ODAD2: variants seen among roughly 807,000 people sequenced by gnomAD.
The protein encoded by ODAD2 is outer dynein arm docking complex subunit 2, also known as outer dynein arm-docking complex subunit 2.
A neutral mutation model predicts 106.8 loss-of-function variants in ODAD2; 89 were observed. The observed-to-expected ratio is 0.83, with a 90% CI of 0.70 to 0.99. ODAD2 has a LOEUF of 0.99. Among genes scored for constraint, ODAD2 ranks in the 50% least tolerant of loss-of-function variants. The pLI, the probability that ODAD2 is intolerant of heterozygous loss-of-function variation, is 0.00. For synonymous variants in ODAD2, 404 were observed against 436.2 expected, an observed-to-expected ratio of 0.93 and a Z score of 0.92; for missense variants, 1,168 against 1,238.5, an observed-to-expected ratio of 0.94 and a Z score of 0.85.
chr10:27,958,986 G>A (rs1269801235), intron 10 of ODAD2: 4 of 1,303,456 alleles, frequency 3.1e-6, no homozygotes, highest in Non-Finnish European at 4.0e-6. Context: ...ATGAAATAAA[G>A]ATAATGGACC....
chr10:27,874,960 G>C (rs1841210227), intron 17 of ODAD2, among the ~76,000 whole-genome samples: 1 of 152,128 alleles, frequency 6.6e-6, no homozygotes, highest in Non-Finnish European at 1.5e-5. Context: ...TTTCCAACTT[G>C]GTTCCATTCT....
intron 19 of ODAD2, among the ~76,000 whole-genome samples, chr10:27,843,731 C>G (rs1838487370): frequency 6.6e-6 from 1 of 151,984 alleles, no homozygotes; most frequent in Non-Finnish European, 1.5e-5. Flanking sequence ...CACACCATTG[C>G]ACTCCTGCCT....
chr10:27,935,464 C>T (rs1845905862), intron 15 of ODAD2, among the ~76,000 whole-genome samples: 1 of 152,170 alleles, frequency 6.6e-6, no homozygotes, highest in African/African-American at 2.4e-5. Context: ...CCATGCAGTA[C>T]AGCCTCTAAG....
chr10:27,978,532 C>G (rs1441865123), intron 7 of ODAD2, among the ~76,000 whole-genome samples: 2 of 152,074 alleles, frequency 1.3e-5, no homozygotes, highest in African/African-American at 4.8e-5. Flanking sequence ...GTGGCTCACA[C>G]CTGTAATCCC....
chr10:27,966,121 C>T (rs1296549077), intron 9 of ODAD2, among the ~76,000 whole-genome samples: 1 of 128,776 alleles, frequency 7.8e-6, no homozygotes, highest in Non-Finnish European at 1.8e-5. Flanking sequence ...GGTTTTTTGG[C>T]ACAGAGAGCC....
At chr10:27,978,510 G>C (rs1588650282) in intron 7 of ODAD2, among the ~76,000 whole-genome samples, 1 of 152,034 alleles carries the variant, frequency 6.6e-6, no homozygotes, top group South Asian at 2.1e-4. Flanking sequence ...AGGAAAACTG[G>C]AGCCGGGCAT....
intron 19 of ODAD2, among the ~76,000 whole-genome samples, chr10:27,829,661 A>T (rs1837325316): frequency 1.3e-5 from 2 of 152,214 alleles, no homozygotes; most frequent in Admixed American, 1.3e-4. Flanking sequence ...ACTCTGAAAA[A>T]GCCCCCTAAT....
At chr10:27,866,060 A>G (rs1840415375) in intron 17 of ODAD2, among the ~76,000 whole-genome samples, 1 of 152,242 alleles carries the variant, frequency 6.6e-6, no homozygotes, top group African/African-American at 2.4e-5. Context: ...TACAAAAGAA[A>G]TGATTATATT....
chr10:27,884,630 A>C (rs568767920), intron 17 of ODAD2, among the ~76,000 whole-genome samples: 22 of 152,290 alleles, frequency 1.4e-4, no homozygotes, highest in Admixed American at 7.9e-4. Flanking sequence ...TTCAGCTAGC[A>C]GAAGCTATGA....
At chr10:27,965,294 T>A (rs1039625247) in intron 9 of ODAD2, among the ~76,000 whole-genome samples, 3 of 152,184 alleles carry the variant, frequency 2.0e-5, no homozygotes, top group African/African-American at 7.2e-5. Flanking sequence ...ACGGTCCCCA[T>A]GCCCTGTGGT....
intron 10 of ODAD2, among the ~76,000 whole-genome samples, chr10:27,959,856 TG>T (rs1381410485): frequency 6.6e-6 from 1 of 152,168 alleles, no homozygotes; most frequent in Non-Finnish European, 1.5e-5. Context: ...AGAGGTTTTC[TG>T]TAAAAAAACT....
intron 2 of ODAD2, among the ~76,000 whole-genome samples, chr10:27,990,961 GA>G (rs1044929094): frequency 1.3e-5 from 2 of 151,894 alleles, no homozygotes; most frequent in African/African-American, 2.4e-5. Flanking sequence ...ACCAGAGAAG[GA>G]AAAAAAATCA....
chr10:27,830,985 G>A (rs1284803408), intron 19 of ODAD2, among the ~76,000 whole-genome samples: 5 of 152,166 alleles, frequency 3.3e-5, no homozygotes, highest in Non-Finnish European at 7.3e-5. Flanking sequence ...CTATCAGGTA[G>A]AGATACTGCT....
chr10:27,971,043 G>C, intron 8 of ODAD2, 65 bp downstream of exon 8: 1 of 776,834 alleles, frequency 1.3e-6, no homozygotes, highest in Admixed American at 2.8e-5. Context: ...ATAAAGTTCT[G>C]TGAAAAATTA....
intron 17 of ODAD2, among the ~76,000 whole-genome samples, chr10:27,880,207 T>A (rs1841608064): frequency 6.6e-6 from 1 of 152,220 alleles, no homozygotes; most frequent in African/African-American, 2.4e-5. Flanking sequence ...TAGCTACCCT[T>A]TATTGCATTA....
chr10:27,849,876 C>G (rs1214204905), intron 19 of ODAD2, among the ~76,000 whole-genome samples: 1 of 152,136 alleles, frequency 6.6e-6, no homozygotes, highest in South Asian at 2.1e-4. Context: ...AAAATAGGAG[C>G]TTGTGCATGA....
At position 27,944,333 on chromosome 10, in the gene ODAD2, A is replaced by C. The variant is rs1278442654; in HGVS notation, c.1632T>G (p.Leu544=). 6.2e-7 allele frequency: 1 copy of C among 1,613,716 alleles called. No homozygotes were observed. Among genetic ancestry groups the C allele is most frequent in the Admixed American group, 1.7e-5 (1 of 60,004 alleles). Residue 544 remains leucine (L), a synonymous_variant, in exon 12 of 20, where the codon CTT becomes CTG. Coordinates refer to ENST00000305242, the MANE Select transcript of ODAD2 (RefSeq NM_018076.5). ...ATTTTAGACTCTTGTGTGGAGAATCAAGTATATTCACCATAATTGGTAAGC... is the reference window on the plus strand; with the variant it reads ...ATTTTAGACTCTTGTGTGGAGAATCCAGTATATTCACCATAATTGGTAAGC... ...LGGLPIMVNI[L]DSPHKSLKCL... is the part of the protein sequence containing the mutation.
Position 27,998,978 on chromosome 10 carries a change from C to A in ODAD2, c.-39+16G>T. On this transcript the variant is annotated intron_variant, in intron 1 of 19. Transcript: ENST00000305242. ...TCCCAGCCTCACCCGGCCGCGACCGCAGCCCAGTCCGTTACCCTGGTCTCG... is the reference window on the plus strand; with the variant it reads ...TCCCAGCCTCACCCGGCCGCGACCGAAGCCCAGTCCGTTACCCTGGTCTCG... 1 of 156,020 alleles carries A rather than the reference C, an allele frequency of 6.4e-6. No individual in the cohort carries two copies. Among genetic ancestry groups the A allele is most frequent in the Non-Finnish European group, 1.4e-5 (1 of 70,770 alleles). The allele number at this position is 156,020 out of a possible 1,614,324, so 9.7% of individuals were successfully genotyped here. A position where few individuals can be genotyped will look rare whatever the true frequency, so the allele number is the denominator to read the frequency against.
chr10:27,868,249 C>A (rs1265583875), intron 17 of ODAD2, among the ~76,000 whole-genome samples: 1 of 152,058 alleles, frequency 6.6e-6, no homozygotes, highest in Non-Finnish European at 1.5e-5. Context: ...ATTAGTTTAA[C>A]CATTGTGGAA....
Sources: gnomAD v4.1 joint callset for allele counts (sites outside exome capture counted in the v4.1 genomes callset) on GRCh38, gnomAD v4.1.1 for gene constraint, MANE v1.5 for transcripts, NCBI Gene and HGNC (gene_info 2026-07-23, HGNC 2026-07-21) for gene names.